The following MCM9 variants were observed in gnomAD, a reference collection of about 807,000 sequenced individuals.
The protein encoded by MCM9 is DNA helicase MCM9.
MCM9 carries 55 observed loss-of-function variants against 72.8 expected under a neutral mutation model. That is an observed-to-expected ratio of 0.76 (90% CI 0.61 to 0.95). The LOEUF (loss-of-function observed/expected upper bound fraction) is 0.95, where lower values mean the gene tolerates loss of function less well. MCM9 is among the 40% of genes least tolerant of loss of function. The probability of loss-of-function intolerance (pLI) is 0.00; values close to 1 mark genes in which losing one functional copy is unlikely to be tolerated. For synonymous variants in MCM9, 480 were observed against 503.4 expected, an observed-to-expected ratio of 0.95 and a Z score of 0.62; for missense variants, 1,279 against 1,377.0, an observed-to-expected ratio of 0.93 and a Z score of 1.13.
At chr6:118,834,714 T>C in intron 9 of MCM9, among the ~76,000 whole-genome samples, 1 of 152,138 alleles carries the variant, frequency 6.6e-6, no homozygotes, top group East Asian at 1.9e-4. Context: ...TTTTTTTTCT[T>C]ATAAATTTGT....
intron 8 of MCM9, among the ~76,000 whole-genome samples, chr6:118,872,761 A>C (rs1777686369): frequency 1.3e-5 from 2 of 152,192 alleles, no homozygotes; most frequent in South Asian, 2.1e-4. Flanking sequence ...CCAGAAAAGA[A>C]GGAAGATACA....
intron 3 of MCM9, among the ~76,000 whole-genome samples, chr6:118,928,091 A>G (rs192978650): frequency 6.6e-6 from 1 of 152,284 alleles, no homozygotes; most frequent in East Asian, 1.9e-4. Flanking sequence ...AAAAATGCCC[A>G]CACTAAGAAG....
rs139845679 is a variant in MCM9 at position 118,841,389 on chromosome 6, C to G, written c.1326-12139G>C. On this transcript the variant is annotated intron_variant, in intron 9 of 13. Transcript: ENST00000619706. ...CCTGCCTCTCTCTCCTCTGGCCCCCCCTTAACCAGAGACTAGACTGTGAAG... is the reference window on the plus strand; with the variant it reads ...CCTGCCTCTCTCTCCTCTGGCCCCCGCTTAACCAGAGACTAGACTGTGAAG... 4.0e-3 allele frequency among the ~76,000 whole-genome samples: 613 copies of G among 152,272 alleles called. 1 individual carries two copies. The highest frequency in any genetic ancestry group is 6.2e-3 in the Non-Finnish European group (419 of 68,032).
At chr6:118,864,625 C>T (rs915146383) in intron 8 of MCM9, among the ~76,000 whole-genome samples, 1 of 152,162 alleles carries the variant, frequency 6.6e-6, no homozygotes, top group African/African-American at 2.4e-5. Context: ...TTAGACACTG[C>T]TCCACATTAT....
chr6:118,843,482 G>T lies in MCM9; in HGVS notation c.1325+12889C>A, dbSNP rs368155093. 1.2e-4 allele frequency among the ~76,000 whole-genome samples: 18 copies of T among 150,740 alleles called. No homozygotes were observed. In the East Asian group the frequency reaches 2.7e-3, roughly 23 times the overall value. On this transcript the variant is annotated intron_variant, in intron 9 of 13. Coordinates refer to ENST00000619706, the MANE Select transcript of MCM9 (RefSeq NM_017696.3). ...TGTCTCTACTAAAAATACAAAATTAGCCGGGTGTGGTGACGCATGCCTGTA... is the reference window on the plus strand; with the variant it reads ...TGTCTCTACTAAAAATACAAAATTATCCGGGTGTGGTGACGCATGCCTGTA...
intron 9 of MCM9, among the ~76,000 whole-genome samples, chr6:118,830,190 T>C (rs1774449559): frequency 6.6e-6 from 1 of 152,180 alleles, no homozygotes; most frequent in Non-Finnish European, 1.5e-5. Flanking sequence ...AATGTAAAAA[T>C]TTGAATCTGT....
chr6:118,842,938 T>C lies in MCM9; in HGVS notation c.1325+13433A>G, dbSNP rs866503367. Among the ~76,000 whole-genome samples, 8 of 150,732 alleles carry C rather than the reference T, an allele frequency of 5.3e-5. No homozygotes were observed. In the South Asian group the frequency reaches 1.3e-3, roughly 24 times the overall value. The stretch of plus-strand genomic sequence containing the variant: ...TAAATTCCCAAACTTTAAAAATGTT[T>C]CCAGATTTAAGTAACATAAAGAACA... On this transcript the variant is annotated intron_variant, in intron 9 of 13. Transcript: ENST00000619706.
chr6:118,900,706 G>T, intron 8 of MCM9: 1 of 1,203,180 alleles, frequency 8.3e-7, no homozygotes, highest in Non-Finnish European at 1.2e-6. Context: ...AAGGGTCTTT[G>T]ATGTCATCTG....
chr6:118,881,287 T>C (rs1390805877), intron 8 of MCM9, among the ~76,000 whole-genome samples: 1 of 152,158 alleles, frequency 6.6e-6, no homozygotes, highest in Non-Finnish European at 1.5e-5. Flanking sequence ...CCTTTTTCAA[T>C]CCTGACTCCC....
intron 9 of MCM9, among the ~76,000 whole-genome samples, chr6:118,833,356 T>A (rs571968720): frequency 5.3e-5 from 8 of 152,158 alleles, no homozygotes; most frequent in Non-Finnish European, 1.0e-4. Flanking sequence ...AGAAGCAAAA[T>A]TGAAAAAAGC....
chr6:118,837,078 G>C (rs1477084905), intron 9 of MCM9, among the ~76,000 whole-genome samples: 1 of 152,156 alleles, frequency 6.6e-6, no homozygotes, highest in Admixed American at 6.5e-5. Context: ...TTGTGACTTT[G>C]TTCTCATTGG....
chr6:118,915,102 G>A (rs964791502), intron 6 of MCM9, among the ~76,000 whole-genome samples: 1 of 152,158 alleles, frequency 6.6e-6, no homozygotes, highest in Admixed American at 6.5e-5. Context: ...TCACACTGTG[G>A]TCAACACAAA....
chr6:118,841,982 A>G (rs1329200912), intron 9 of MCM9, among the ~76,000 whole-genome samples: 1 of 151,952 alleles, frequency 6.6e-6, no homozygotes, highest in East Asian at 1.9e-4. Context: ...CTACAGGCAC[A>G]TGCCACCACG....
At chr6:118,905,869 C>T in intron 8 of MCM9, 1 of 1,445,504 alleles carries the variant, frequency 6.9e-7, no homozygotes, top group Non-Finnish European at 9.3e-7. Flanking sequence ...TTTTACTATG[C>T]AATTTTTAAA....
Position 118,923,868 on chromosome 6 carries a change from G to A in MCM9, c.564C>T (p.Gly188=). Residue 188 remains glycine (G), a synonymous_variant, in exon 4 of 14, where the codon GGC becomes GGT. Coordinates refer to ENST00000619706, the MANE Select transcript of MCM9 (RefSeq NM_017696.3). Reference sequence around the variant, plus strand: ...TACACCTGGTTGGAGACGAAGACAAGCCTGAGAGGCAAGTGAATTTAGAGG... The same window carrying A: ...TACACCTGGTTGGAGACGAAGACAAACCTGAGAGGCAAGTGAATTTAGAGG... ...CDSSKFTCLS[G]LSSSPTRCRD... is the part of the protein sequence containing the mutation. 6.2e-7 allele frequency: 1 copy of A among 1,614,176 alleles called. No individual in the cohort carries two copies. The highest frequency in any genetic ancestry group is 8.5e-7 in the Non-Finnish European group (1 of 1,180,022).
chr6:118,855,344 A>C (rs1248073608), intron 9 of MCM9, among the ~76,000 whole-genome samples: 2 of 152,172 alleles, frequency 1.3e-5, no homozygotes, highest in African/African-American at 4.8e-5. Flanking sequence ...TTCTAATAAA[A>C]CCGTGAATAC....
rs1176114344 is a variant in MCM9 at position 118,829,083 on chromosome 6, T to A, written c.1493A>T (p.Asp498Val). 2.5e-5 allele frequency: 39 copies of A among 1,550,544 alleles called. No individual in the cohort carries two copies. The highest frequency in any genetic ancestry group is 3.2e-5 in the Non-Finnish European group (37 of 1,146,994). The change falls in exon 10 of 14, where the codon GAT becomes GTT. Residue 498 changes from aspartate to valine, a missense_variant. Asp to Val is a radical substitution (Grantham distance 152, BLOSUM62 -3). Transcript: ENST00000619706. The stretch of plus-strand genomic sequence containing the variant: ...TAAGATAAAGGAGGAAATGATACGA[T>A]CCCAGTCTTCATTCTTGGTATCAAG... Reference protein sequence around the residue: ...VLLDTKNEDWDRIISSFILEN... With the variant: ...VLLDTKNEDWVRIISSFILEN...
chr6:118,892,095 C>T (rs1408438243), intron 8 of MCM9, among the ~76,000 whole-genome samples: 1 of 152,152 alleles, frequency 6.6e-6, no homozygotes, highest in Non-Finnish European at 1.5e-5. Context: ...CAGGACATAT[C>T]TGAGGAATCC....
intron 9 of MCM9, among the ~76,000 whole-genome samples, chr6:118,833,933 T>C (rs1234099689): frequency 6.6e-6 from 1 of 152,182 alleles, no homozygotes; most frequent in Non-Finnish European, 1.5e-5. Flanking sequence ...ATGTGCAGGT[T>C]TGTTACATAG....
Sources: gnomAD v4.1 joint callset for allele counts (sites outside exome capture counted in the v4.1 genomes callset) on GRCh38, gnomAD v4.1.1 for gene constraint, MANE v1.5 for transcripts, NCBI Gene and HGNC (gene_info 2026-07-23, HGNC 2026-07-21) for gene names.